WNT3: variants seen among roughly 807,000 people sequenced by gnomAD.
WNT3 encodes the protein proto-oncogene Wnt-3.
Under a neutral mutation model 34.2 loss-of-function variants are expected in WNT3, and 7 were observed. The observed-to-expected ratio is 0.20, with a 90% CI of 0.12 to 0.38. WNT3 has a LOEUF of 0.38. Among genes scored for constraint, WNT3 ranks in the 10% least tolerant of loss-of-function variants. The pLI, the probability that WNT3 is intolerant of heterozygous loss-of-function variation, is 1.00. For missense variants in WNT3, 267 were observed against 499.8 expected, an observed-to-expected ratio of 0.53 and a Z score of 4.44; for synonymous variants, 212 against 211.5, an observed-to-expected ratio of 1.00 and a Z score of -0.02.
chr17:46,816,135 A>ACGCACACACACACT lies in WNT3; in HGVS notation c.80+2382_80+2383insAGTGTGTGTGTGCG, dbSNP rs2084342010. On this transcript the variant is annotated intron_variant, in intron 1 of 4. Transcript: ENST00000225512. ...CGTACACACACACACACACACTCAC[A>ACGCACACACACACT]CACACGCACGCACGCACACACACAC... Among the ~76,000 whole-genome samples, 4 of 53,808 alleles carry ACGCACACACACACT rather than the reference A, an allele frequency of 7.4e-5. No individual in the cohort carries two copies. In the East Asian group the frequency reaches 5.3e-3, roughly 72 times the overall value. 35.3% of individuals were successfully genotyped at this position (53,808 alleles called of 152,430 possible).
chr17:46,796,632 G>C (rs2084058039), intron 1 of WNT3, among the ~76,000 whole-genome samples: 1 of 152,170 alleles, frequency 6.6e-6, no homozygotes, highest in Non-Finnish European at 1.5e-5. Context: ...AGCCTCATTG[G>C]GTGACAGATC....
At chr17:46,782,188 C>A (rs146803513) in intron 1 of WNT3, among the ~76,000 whole-genome samples, 1 of 152,170 alleles carries the variant, frequency 6.6e-6, no homozygotes, top group South Asian at 2.1e-4. Context: ...TTTCTCCATG[C>A]GGAAATCTAA....
intron 1 of WNT3, among the ~76,000 whole-genome samples, chr17:46,785,030 G>T (rs2059492213): frequency 1.3e-5 from 2 of 152,186 alleles, no homozygotes; most frequent in South Asian, 4.1e-4. Context: ...GCCCGCCTTG[G>T]CCTCCCAAAG....
chr17:46,816,848 T>C (rs2084357266), intron 1 of WNT3, among the ~76,000 whole-genome samples: 1 of 152,170 alleles, frequency 6.6e-6, no homozygotes, highest in Non-Finnish European at 1.5e-5. Flanking sequence ...AAAAACGGCA[T>C]GGCCTTGGCC....
chr17:46,817,633 GC>G (rs985375014), intron 1 of WNT3, among the ~76,000 whole-genome samples: 5 of 146,264 alleles, frequency 3.4e-5, no homozygotes, highest in African/African-American at 1.0e-4. Context: ...GACACGCACA[GC>G]CCCCCCCAAG....
At chr17:46,788,635 A>C (rs2074405) in intron 1 of WNT3, among the ~76,000 whole-genome samples, 97,721 of 152,064 alleles carry the variant, frequency 0.64, 34,769 homozygotes, top group South Asian at 0.81. Context: ...CACTCAAGTG[A>C]ATTGTCCACC....
chr17:46,813,578 A>T (rs930113086), intron 1 of WNT3, among the ~76,000 whole-genome samples: 1 of 151,904 alleles, frequency 6.6e-6, no homozygotes, highest in African/African-American at 2.4e-5. Context: ...GGCTCACATC[A>T]GGGTAGGTGG....
At position 46,790,052 on chromosome 17, in the gene WNT3, C is replaced by A. The variant is rs377001441; in HGVS notation, c.81-16143G>T. The stretch of plus-strand genomic sequence containing the variant: ...AGGGAGGCCCCACCCAAGTTCAAAG[C>A]GCTGGCTGCCCCTCCCTTGCAGCCC... On this transcript the variant is annotated intron_variant, in intron 1 of 4. Coordinates refer to ENST00000225512, the MANE Select transcript of WNT3 (RefSeq NM_030753.5). 2.0e-4 allele frequency among the ~76,000 whole-genome samples: 31 copies of A among 152,210 alleles called. 1 individual carries two copies. The East Asian group carries it at 5.4e-3, about 27-fold the overall frequency.
At chr17:46,815,185 A>G (rs915887604) in intron 1 of WNT3, among the ~76,000 whole-genome samples, 2 of 151,608 alleles carry the variant, frequency 1.3e-5, no homozygotes, top group Admixed American at 1.3e-4. Context: ...AGCGCCCCCA[A>G]GAAGAAGAAG....
Position 46,803,828 on chromosome 17 carries a change from G to A in WNT3, c.80+14690C>T, listed in dbSNP as rs537272080. Among the ~76,000 whole-genome samples, 16 of 152,326 alleles carry A rather than the reference G, an allele frequency of 1.1e-4. No homozygotes were observed. The South Asian group carries it at 3.1e-3, about 30-fold the overall frequency. On this transcript the variant is annotated intron_variant, in intron 1 of 4. Transcript: ENST00000225512. ...CCCCAGGCAGAGGCCTGCAGAGCCC[G>A]GAAGCAGGCTCACGGCTGTCTGGGC...
At chr17:46,795,904 G>A (rs1490113712) in intron 1 of WNT3, among the ~76,000 whole-genome samples, 5 of 151,930 alleles carry the variant, frequency 3.3e-5, no homozygotes, top group African/African-American at 9.7e-5. Context: ...ATGCATGCAC[G>A]CACACACACG....
At chr17:46,816,473 A>ATG (rs1383433850) in intron 1 of WNT3, among the ~76,000 whole-genome samples, 3 of 77,412 alleles carry the variant, frequency 3.9e-5, no homozygotes, top group Non-Finnish European at 6.9e-5. Flanking sequence ...CCCAGAACAC[A>ATG]CGCACACACA....
In WNT3 at chr17:46,818,685, T is replaced by A; in HGVS notation, c.-88A>T. Reference sequence around the variant, plus strand: ...TAGTTGGAACAAAGTCCACTTGAGATTGGAAATGACTTTCGGGCTTGTCAG... The same window carrying A: ...TAGTTGGAACAAAGTCCACTTGAGAATGGAAATGACTTTCGGGCTTGTCAG... On this transcript the variant is annotated 5_prime_UTR_variant, in exon 1 of 5. Coordinates refer to ENST00000225512, the MANE Select transcript of WNT3 (RefSeq NM_030753.5). 7.7e-7 allele frequency: 1 copy of A among 1,292,246 alleles called. No individual in the cohort carries two copies. Among genetic ancestry groups the A allele is most frequent in the Non-Finnish European group, 1.1e-6 (1 of 911,200 alleles). The allele number at this position is 1,292,246 out of a possible 1,614,324, so 80.0% of individuals were successfully genotyped here. A position where few individuals can be genotyped will look rare whatever the true frequency, so the allele number is the denominator to read the frequency against.
intron 3 of WNT3, among the ~76,000 whole-genome samples, chr17:46,769,492 G>A (rs888915429): frequency 5.1e-4 from 77 of 152,262 alleles, no homozygotes; most frequent in African/African-American, 1.6e-3. Flanking sequence ...GCCCTACACC[G>A]CGTGCCAAGG....
Position 46,769,006 on chromosome 17 carries a change from G to C in WNT3, c.589-207C>G, listed in dbSNP as rs559896826. 1.8e-3 allele frequency among the ~76,000 whole-genome samples: 279 copies of C among 152,304 alleles called. 2 individuals are homozygous for C. Among genetic ancestry groups the C allele is most frequent in the Middle Eastern group, 3.4e-3 (1 of 294 alleles). On this transcript the variant is annotated intron_variant, in intron 3 of 4. Transcript: ENST00000225512. Reference sequence around the variant, plus strand: ...TTCACACCCCAAGCATGGGTAGACAGCACGTCCACTTCTCACAGCGCATGA... The same window carrying C: ...TTCACACCCCAAGCATGGGTAGACACCACGTCCACTTCTCACAGCGCATGA...
chr17:46,787,396 C>T (rs996887695), intron 1 of WNT3, among the ~76,000 whole-genome samples: 2 of 152,160 alleles, frequency 1.3e-5, no homozygotes, highest in African/African-American at 4.8e-5. Context: ...AGTGTTAGGT[C>T]ATAAAATGTC....
At position 46,804,244 on chromosome 17, in the gene WNT3, C is replaced by T. The variant is rs147944071; in HGVS notation, c.80+14274G>A. Among the ~76,000 whole-genome samples the T allele has an allele frequency of 3.5e-3, 540 of 152,168 alleles. 5 individuals carry two copies. The highest frequency in any genetic ancestry group is 0.013 in the African/African-American group (520 of 41,524). On this transcript the variant is annotated intron_variant, in intron 1 of 4. Coordinates refer to ENST00000225512, the MANE Select transcript of WNT3 (RefSeq NM_030753.5). ...CTGGGACTACAGGTGCGTGCCACCA[C>T]ACCCGGCTAATTTTTGTATTTTTAG... is the stretch of plus-strand genomic sequence containing the variant.
chr17:46,786,555 G>A (rs1475652261), intron 1 of WNT3, among the ~76,000 whole-genome samples: 2 of 152,242 alleles, frequency 1.3e-5, no homozygotes, highest in Non-Finnish European at 2.9e-5. Context: ...CCACAGAGGG[G>A]AGCAGCTCCC....
intron 1 of WNT3, among the ~76,000 whole-genome samples, chr17:46,782,504 G>T (rs1000016042): frequency 6.6e-6 from 1 of 152,248 alleles, no homozygotes; most frequent in African/African-American, 2.4e-5. Flanking sequence ...TTCTAGAAGG[G>T]AAAGGAAAGG....
Sources: allele counts gnomAD v4.1 joint callset (sites outside exome capture counted in the v4.1 genomes callset), GRCh38; gene constraint gnomAD v4.1.1; transcripts MANE v1.5; gene names NCBI Gene and HGNC (gene_info 2026-07-23, HGNC 2026-07-21).